Variants in NTN1 observed in about 807,000 individuals in gnomAD.
NTN1 encodes netrin-1.
Under a neutral mutation model 54.2 loss-of-function variants are expected in NTN1, and 11 were observed. That is an observed-to-expected ratio of 0.20 (90% CI 0.13 to 0.34). The LOEUF is 0.34. Ranked by LOEUF, NTN1 falls within the 10% of genes least tolerant of loss-of-function variation. The pLI, the probability that NTN1 is intolerant of heterozygous loss-of-function variation, is 1.00. For synonymous variants in NTN1, 371 were observed against 382.0 expected, an observed-to-expected ratio of 0.97 and a Z score of 0.33; for missense variants, 740 against 893.1, an observed-to-expected ratio of 0.83 and a Z score of 2.18.
At chr17:9,169,734 G>A (rs145937130) in intron 3 of NTN1, among the ~76,000 whole-genome samples, 12,115 of 152,204 alleles carry the variant, frequency 0.08, 1,197 homozygotes, top group African/African-American at 0.22. Context: ...GTGTGGTGGC[G>A]CATGCCTGTA....
At position 9,239,744 on chromosome 17, in the gene NTN1, G is replaced by C. The variant is rs756910433; in HGVS notation, c.1591G>C (p.Gly531Arg). Reference protein sequence around the residue: ...YKQGTSRIRRGDQSLWIRSRD... With the variant: ...YKQGTSRIRRRDQSLWIRSRD... Reference sequence around the variant, plus strand: ...GCAGGGCACGAGCCGCATCCGCCGCGGTGACCAGAGCCTGTGGATCCGCTC... The same window carrying C: ...GCAGGGCACGAGCCGCATCCGCCGCCGTGACCAGAGCCTGTGGATCCGCTC... Residue 531 changes from glycine to arginine, a missense_variant, in exon 7 of 7, where the codon GGT becomes CGT. Gly to Arg is a moderately radical substitution (Grantham distance 125). Transcript: ENST00000173229. This position sits in a 1 kb window ranked among gnomAD's most constrained non-coding sequence, Gnocchi z 5.2. 120 of 1,613,694 alleles carry C rather than the reference G, an allele frequency of 7.4e-5. No individual in the cohort carries two copies. Among genetic ancestry groups the C allele is most frequent in the Admixed American group, 3.0e-4 (18 of 59,990 alleles).
chr17:9,027,659 A>G (rs1049650874), intron 2 of NTN1, among the ~76,000 whole-genome samples: 9 of 152,140 alleles, frequency 5.9e-5, no homozygotes. Flanking sequence ...ACATCATATT[A>G]TTATATTTTA....
At chr17:9,140,860 A>T (rs1036289641) in intron 2 of NTN1, among the ~76,000 whole-genome samples, 5 of 152,182 alleles carry the variant, frequency 3.3e-5, no homozygotes, top group Non-Finnish European at 7.3e-5. Flanking sequence ...GTCTAAGATG[A>T]TGGTGACTTG....
In NTN1 at chr17:9,182,925, T is replaced by C; in HGVS notation, c.1367T>C (p.Val456Ala). 1 of 1,614,130 alleles carries C rather than the reference T, an allele frequency of 6.2e-7. No homozygotes were observed. Among genetic ancestry groups the C allele is most frequent in the Non-Finnish European group, 8.5e-7 (1 of 1,180,016 alleles). ...SPIAPCIKIP[V>A]APPTTAASSV... ...CTTGAACCTCACAAAGAGATCCCTG[T>C]AGCGCCGCCGACGACTGCAGCCAGC... Residue 456 changes from valine (V) to alanine (A), a missense_variant, in exon 5 of 7, where the codon GTA becomes GCA. Transcript: ENST00000173229.
intron 2 of NTN1, among the ~76,000 whole-genome samples, chr17:9,063,228 C>G (rs184732308): frequency 1.3e-3 from 202 of 151,998 alleles, no homozygotes; most frequent in African/African-American, 4.7e-3. Context: ...TCCTGAGTAG[C>G]TGGGATTACA....
intron 6 of NTN1, among the ~76,000 whole-genome samples, chr17:9,225,586 C>A (rs77277262): frequency 1.7e-3 from 259 of 152,322 alleles, no homozygotes; most frequent in African/African-American, 6.0e-3. Flanking sequence ...CCTGGCCCCC[C>A]TGAGAAGGTG....
At chr17:9,143,183 G>A (rs1333340473) in intron 2 of NTN1, among the ~76,000 whole-genome samples, 2 of 152,210 alleles carry the variant, frequency 1.3e-5, no homozygotes, top group Admixed American at 6.5e-5. Flanking sequence ...GGGAGTAGAG[G>A]ATGAGAAGAA....
intron 4 of NTN1, among the ~76,000 whole-genome samples, chr17:9,182,588 C>G (rs950014782): frequency 1.3e-5 from 2 of 152,372 alleles, no homozygotes; most frequent in African/African-American, 2.4e-5. Context: ...CCTGGGGAAG[C>G]CTCTCTCCAT....
chr17:9,191,720 A>G (rs7224515), intron 5 of NTN1, among the ~76,000 whole-genome samples: 91,378 of 151,812 alleles, frequency 0.6, 27,898 homozygotes, highest in Middle Eastern at 0.72. Flanking sequence ...AAAATTAACA[A>G]GAATACTCTT....
In NTN1 at chr17:9,127,587, G is replaced by A. The variant is rs558796515; in HGVS notation, c.1019-35226G>A. ...CAGGCTTTGCTGCTGAGGACCCCTG[G>A]ACACACTCGGTGTCTACTGGGCACA... On this transcript the variant is annotated intron_variant, in intron 2 of 6. Coordinates refer to ENST00000173229, the MANE Select transcript of NTN1 (RefSeq NM_004822.3). Among the ~76,000 whole-genome samples the A allele has an allele frequency of 5.3e-5, 8 of 152,154 alleles. No individual in the cohort carries two copies. The South Asian group carries it at 1.7e-3, about 32-fold the overall frequency.
At chr17:9,038,253 C>T (rs566919527) in intron 2 of NTN1, among the ~76,000 whole-genome samples, 1 of 41,934 alleles carries the variant, frequency 2.4e-5, no homozygotes, top group Non-Finnish European at 4.8e-5. Context: ...CTTCTCCTCT[C>T]TTTCTCTCTC....
At chr17:9,187,654 C>CAAAAAA (rs763852001) in intron 5 of NTN1, among the ~76,000 whole-genome samples, 11 of 52,918 alleles carry the variant, frequency 2.1e-4, no homozygotes, top group South Asian at 1.9e-3. Context: ...CTCATCTCTC[C>CAAAAAA]AAAAAAAAAA....
chr17:9,210,216 T>C (rs1315524723), intron 5 of NTN1, among the ~76,000 whole-genome samples: 1 of 151,976 alleles, frequency 6.6e-6, no homozygotes, highest in African/African-American at 2.4e-5. Context: ...CACAGGCTGC[T>C]CCTCCTGCTT....
intron 6 of NTN1, among the ~76,000 whole-genome samples, chr17:9,225,579 G>C (rs540084252): frequency 5.3e-4 from 80 of 152,340 alleles, no homozygotes; most frequent in Non-Finnish European, 9.6e-4. Flanking sequence ...TTGGGCCCCT[G>C]GCCCCCCTGA....
chr17:9,099,734 T>A lies in NTN1; in HGVS notation c.1019-63079T>A, dbSNP rs117641194. Among the ~76,000 whole-genome samples, 774 of 152,322 alleles carry A rather than the reference T, an allele frequency of 5.1e-3. 2 individuals carry two copies. The highest frequency in any genetic ancestry group is 8.3e-3 in the Non-Finnish European group (566 of 68,036). On this transcript the variant is annotated intron_variant, in intron 2 of 6. Coordinates refer to ENST00000173229, the MANE Select transcript of NTN1 (RefSeq NM_004822.3). ...AGCATTTATGTTTCTACCAGAAATA[T>A]TATGAGAATGTCTTGAACTCTTTCT...
chr17:9,125,512 G>C (rs1190349055), intron 2 of NTN1, among the ~76,000 whole-genome samples: 1 of 152,204 alleles, frequency 6.6e-6, no homozygotes, highest in Non-Finnish European at 1.5e-5. Context: ...ACAGGTGTGA[G>C]CCACTGCACC....
rs72453627 is a variant in NTN1 at position 9,227,460 on chromosome 17, TCACA to T, written c.1486+6223_1486+6226del. 5.3e-3 allele frequency among the ~76,000 whole-genome samples: 744 copies of T among 139,156 alleles called. 5 individuals are homozygous for T. The highest frequency in any genetic ancestry group is 0.014 in the African/African-American group (482 of 34,910). 91.3% of individuals were successfully genotyped at this position (139,156 alleles called of 152,430 possible). A position where few individuals can be genotyped will look rare whatever the true frequency, so the allele number is the denominator to read the frequency against. ...CACCACACATCAGATACACAGACTGTCACACACAGTCACACACATAGCACACACA... is the reference window on the plus strand; with the variant it reads ...CACCACACATCAGATACACAGACTGTCACAGTCACACACATAGCACACACA... On this transcript the variant is annotated intron_variant, in intron 6 of 6. Transcript: ENST00000173229.
At chr17:9,112,009 G>T (rs1455664344) in intron 2 of NTN1, among the ~76,000 whole-genome samples, 2 of 152,202 alleles carry the variant, frequency 1.3e-5, no homozygotes, top group Non-Finnish European at 2.9e-5. Flanking sequence ...GGCCATTGTG[G>T]ATTTTCACAT....
At chr17:9,092,772 T>C (rs1394914585) in intron 2 of NTN1, among the ~76,000 whole-genome samples, 2 of 151,484 alleles carry the variant, frequency 1.3e-5, no homozygotes, top group Non-Finnish European at 3.0e-5. Context: ...TTGTATTTTT[T>C]TTTTGAGACA....
Sources: allele counts gnomAD v4.1 joint callset (sites outside exome capture counted in the v4.1 genomes callset), GRCh38; gene constraint gnomAD v4.1.1; non-coding constraint Gnocchi (gnomAD v3.1); transcripts MANE v1.5; gene names NCBI Gene and HGNC (gene_info 2026-07-23, HGNC 2026-07-21).